TPD52L1: variants seen among roughly 807,000 people sequenced by gnomAD.
The protein encoded by TPD52L1 is tumor protein D53.
Under a neutral mutation model 28.7 loss-of-function variants are expected in TPD52L1, and 18 were observed. The ratio of observed to expected loss-of-function variants is 0.63; its 90% CI spans 0.43 to 0.93. The LOEUF (loss-of-function observed/expected upper bound fraction) is 0.93. Among genes scored for constraint, TPD52L1 ranks in the 40% least tolerant of loss-of-function variants. The pLI, the probability that TPD52L1 is intolerant of heterozygous loss-of-function variation, is 0.00. For missense variants in TPD52L1, 203 were observed against 254.8 expected (o/e 0.80, Z 1.39); for synonymous variants, 75 against 88.8 (o/e 0.84, Z 0.88).
At chr6:125,159,417 G>A (rs746170866) in intron 1 of TPD52L1, among the ~76,000 whole-genome samples, 13 of 152,102 alleles carry the variant, frequency 8.5e-5, no homozygotes, top group Non-Finnish European at 1.9e-4. Flanking sequence ...CATAAATTTA[G>A]TTACATCTTC....
intron 6 of TPD52L1, among the ~76,000 whole-genome samples, chr6:125,258,635 A>G (rs531673414): frequency 3.3e-5 from 5 of 152,308 alleles, no homozygotes; most frequent in Admixed American, 6.5e-5. Context: ...ACCCATTTTC[A>G]TTTGCTTTTA....
intron 6 of TPD52L1, chr6:125,260,994 GAAAGAAAGAAAGAAAGAAAGAAAGAA>G (rs1797976795): frequency 2.3e-5 from 1 of 43,376 alleles, no homozygotes; most frequent in African/African-American, 1.2e-4. Context: ...AAGAAAGAAA[GAAAGAAAGAAAGAAAGAAAGAAAGAA>G]AAGAAAAGAA....
chr6:125,222,585 C>T (rs904156450), intron 2 of TPD52L1, among the ~76,000 whole-genome samples: 3 of 152,176 alleles, frequency 2.0e-5, no homozygotes, highest in African/African-American at 7.2e-5. Flanking sequence ...TTCCTCGTCT[C>T]TTCTGTGAAA....
At chr6:125,178,104 T>C (rs1472227718) in intron 1 of TPD52L1, among the ~76,000 whole-genome samples, 2 of 152,214 alleles carry the variant, frequency 1.3e-5, no homozygotes, top group African/African-American at 4.8e-5. Flanking sequence ...GACCATATTC[T>C]TTCGATCATA....
chr6:125,245,735 T>C (rs1796885594), intron 3 of TPD52L1, among the ~76,000 whole-genome samples: 4 of 152,152 alleles, frequency 2.6e-5, no homozygotes. Context: ...CCCACGCAGT[T>C]GGCGAGGCCA....
chr6:125,160,319 A>G (rs893048851), intron 1 of TPD52L1, among the ~76,000 whole-genome samples: 4 of 152,146 alleles, frequency 2.6e-5, no homozygotes, highest in Non-Finnish European at 5.9e-5. Context: ...TATAGAGCAC[A>G]TTTTCTAAAT....
At chr6:125,213,511 G>A (rs957503266) in intron 1 of TPD52L1, among the ~76,000 whole-genome samples, 1 of 152,062 alleles carries the variant, frequency 6.6e-6, no homozygotes, top group African/African-American at 2.4e-5. Context: ...GCTTTGCCTT[G>A]GCTCTCATTG....
chr6:125,186,656 G>T (rs74412327), intron 1 of TPD52L1, among the ~76,000 whole-genome samples: 1 of 152,140 alleles, frequency 6.6e-6, no homozygotes, highest in African/African-American at 2.4e-5. Context: ...TGCCTTATGT[G>T]CTGTTAATAT....
chr6:125,262,919 CAGGAGG>C lies in TPD52L1; in HGVS notation c.573_578del (p.Gly192_Gly193del). On this transcript the variant is annotated inframe_deletion, in exon 7 of 7. Transcript: ENST00000534000. ...GCCCATGCCAGTGCCCAGAGCTTGG[CAGGAGG>C]CTCCCGGCGGACCAAGGAGGAGGAG... 6.2e-7 allele frequency: 1 copy of C among 1,614,204 alleles called. No individual in the cohort carries two copies. The highest frequency in any genetic ancestry group is 8.5e-7 in the Non-Finnish European group (1 of 1,180,022).
intron 1 of TPD52L1, among the ~76,000 whole-genome samples, chr6:125,175,425 C>T (rs1418053653): frequency 2.0e-5 from 3 of 152,282 alleles, no homozygotes; most frequent in Middle Eastern, 3.4e-3. Context: ...ATTTTCAGTA[C>T]TCTACCACTG....
At chr6:125,154,112 T>C (rs2114714758) in intron 1 of TPD52L1, 142 bp downstream of exon 1, 1 of 1,427,758 alleles carries the variant, frequency 7.0e-7, no homozygotes, top group Non-Finnish European at 9.2e-7. Context: ...CCCGCGCCTT[T>C]GGTATAATGC....
At chr6:125,162,896 A>G (rs1790615139) in intron 1 of TPD52L1, among the ~76,000 whole-genome samples, 1 of 152,260 alleles carries the variant, frequency 6.6e-6, no homozygotes, top group South Asian at 2.1e-4. Flanking sequence ...TAACATCATG[A>G]GGTAGATACC....
At chr6:125,186,798 A>G in intron 1 of TPD52L1, among the ~76,000 whole-genome samples, 1 of 152,222 alleles carries the variant, frequency 6.6e-6, no homozygotes, top group Non-Finnish European at 1.5e-5. Context: ...CTTTTATTGT[A>G]TGCCTTATAA....
chr6:125,161,623 G>A (rs1160291571), intron 1 of TPD52L1, among the ~76,000 whole-genome samples: 1 of 152,134 alleles, frequency 6.6e-6, no homozygotes, highest in Non-Finnish European at 1.5e-5. Context: ...AGAGTGGAGA[G>A]GGCCAGGGAC....
intron 1 of TPD52L1, among the ~76,000 whole-genome samples, chr6:125,213,762 C>T (rs1299979993): frequency 6.6e-6 from 1 of 152,042 alleles, no homozygotes; most frequent in Non-Finnish European, 1.5e-5. Flanking sequence ...TGGCTGTGTA[C>T]CAGGTTGGTG....
intron 1 of TPD52L1, among the ~76,000 whole-genome samples, chr6:125,168,925 G>T (rs960250324): frequency 6.6e-6 from 1 of 152,100 alleles, no homozygotes; most frequent in Non-Finnish European, 1.5e-5. Context: ...CTTTGAATTT[G>T]GATTCCGTTA....
intron 1 of TPD52L1, among the ~76,000 whole-genome samples, chr6:125,177,236 C>T (rs115364581): frequency 1.6e-3 from 246 of 152,234 alleles, no homozygotes; most frequent in African/African-American, 5.8e-3. Flanking sequence ...CCGTTTTCTA[C>T]GTTCCCTAAT....
chr6:125,157,962 G>A lies in TPD52L1; in HGVS notation c.19+3992G>A, dbSNP rs904897071. On this transcript the variant is annotated intron_variant, in intron 1 of 6. Transcript: ENST00000534000. ...CTCTGGAGGCTCTAAGAAAGAAATC[G>A]TCTTTCCCTCTTTCAGTTCCTGGTG... Among the ~76,000 whole-genome samples, 10 of 152,126 alleles carry A rather than the reference G, an allele frequency of 6.6e-5. 2 individuals carry two copies. The highest frequency in any genetic ancestry group is 5.9e-4 in the Admixed American group (9 of 15,276).
intron 1 of TPD52L1, among the ~76,000 whole-genome samples, chr6:125,178,642 A>G (rs1791972889): frequency 6.8e-6 from 1 of 147,252 alleles, no homozygotes; most frequent in African/African-American, 2.5e-5. Flanking sequence ...AAACAAAACA[A>G]AACAAAACAA....
Sources: gnomAD v4.1 joint callset for allele counts (sites outside exome capture counted in the v4.1 genomes callset) on GRCh38, gnomAD v4.1.1 for gene constraint, MANE v1.5 for transcripts, NCBI Gene and HGNC (gene_info 2026-07-23, HGNC 2026-07-21) for gene names.